The following STX6 variants were observed in gnomAD, a reference collection of about 807,000 sequenced individuals.
STX6 encodes the protein syntaxin 6, also known as syntaxin-6.
A neutral mutation model predicts 38.0 loss-of-function variants in STX6; 23 were observed. That is an observed-to-expected ratio of 0.60 (90% CI 0.43 to 0.86). The LOEUF (loss-of-function observed/expected upper bound fraction) is 0.86, where lower values mean the gene tolerates loss of function less well. Ranked by LOEUF, STX6 falls within the 40% of genes least tolerant of loss-of-function variation. The pLI is 0.00. For missense variants in STX6, 274 were observed against 312.9 expected, an observed-to-expected ratio of 0.88 and a Z score of 0.94; for synonymous variants, 123 against 107.5, an observed-to-expected ratio of 1.14 and a Z score of -0.89.
intron 1 of STX6, among the ~76,000 whole-genome samples, chr1:181,017,253 C>T (rs1314540679): frequency 2.0e-5 from 3 of 151,046 alleles, no homozygotes; most frequent in African/African-American, 4.9e-5. Context: ...ATTAGCTGGG[C>T]GTGGTGGCGG....
chr1:181,019,741 G>A (rs772683720), intron 1 of STX6, among the ~76,000 whole-genome samples: 2 of 152,156 alleles, frequency 1.3e-5, no homozygotes, highest in African/African-American at 2.4e-5. Flanking sequence ...TGTCCAACAC[G>A]GAAGCCACAT....
chr1:181,016,639 G>A (rs903259612), intron 1 of STX6, among the ~76,000 whole-genome samples: 4 of 152,248 alleles, frequency 2.6e-5, no homozygotes, highest in Non-Finnish European at 4.4e-5. Context: ...AATAGAATGC[G>A]TGATGCCCTC....
rs534998442 is a variant in STX6, at chr1:181,012,273, T to C, written c.36-6810A>G. ...CTGACCCAGAGAAGCCTTTTTCAAA[T>C]CCTTGAAAGAGAAAGACGGCTATCT... On this transcript the variant is annotated intron_variant, in intron 1 of 7. Transcript: ENST00000258301. Among the ~76,000 whole-genome samples the C allele has an allele frequency of 4.6e-5, 7 of 152,310 alleles. No homozygotes were observed. In the East Asian group the frequency reaches 1.3e-3, roughly 29 times the overall value.
At chr1:180,986,131 C>A (rs1476247856) in intron 6 of STX6, among the ~76,000 whole-genome samples, 1 of 152,240 alleles carries the variant, frequency 6.6e-6, no homozygotes, top group Non-Finnish European at 1.5e-5. Flanking sequence ...AAAACAGGCA[C>A]ATCATCAGGC....
chr1:180,976,672 C>T, intron 7 of STX6, 26 bp from the exon 8 acceptor site: 1 of 1,606,826 alleles, frequency 6.2e-7, no homozygotes, highest in Non-Finnish European at 8.5e-7. Context: ...TGGGGATTAG[C>T]TCTCACAGGG....
chr1:180,989,809 C>A (rs992805741), intron 5 of STX6, among the ~76,000 whole-genome samples, 175 bp downstream of exon 5: 1 of 152,094 alleles, frequency 6.6e-6, no homozygotes, highest in Non-Finnish European at 1.5e-5. Context: ...GAAGCAGTCA[C>A]ACTGTGAAGA....
chr1:180,990,108 G>A lies in STX6; in HGVS notation c.365C>T (p.Ala122Val), dbSNP rs1395745929. ...QALAERKNRQ[A>V]LLGDSGSQNW... ...CTGGCTGCCACTGTCTCCCAGCAGTGCCTGTGTGAGAAGAACAACCAGAGG... is the reference window on the plus strand; with the variant it reads ...CTGGCTGCCACTGTCTCCCAGCAGTACCTGTGTGAGAAGAACAACCAGAGG... The change falls in exon 5 of 8, where the codon GCA (alanine) becomes GTA (valine). Residue 122 changes from alanine (A) to valine (V), a missense_variant and splice_region_variant. Coordinates refer to ENST00000258301, the MANE Select transcript of STX6 (RefSeq NM_005819.6). The A allele has an allele frequency of 6.2e-7, 1 of 1,614,094 alleles. No individual in the cohort carries two copies. Among genetic ancestry groups the A allele is most frequent in the East Asian group, 2.2e-5 (1 of 44,874 alleles).
At chr1:181,015,670 CTTTT>C (rs879761357) in intron 1 of STX6, among the ~76,000 whole-genome samples, 1 of 142,560 alleles carries the variant, frequency 7.0e-6, no homozygotes, top group East Asian at 2.0e-4. Context: ...CCACACAAAT[CTTTT>C]TTTTTTTTTT....
In STX6 at chr1:180,999,846, CTTCAT is replaced by C. The variant is rs1656027265; in HGVS notation, c.300+2755_300+2759del. On this transcript the variant is annotated intron_variant, in intron 3 of 7. Transcript: ENST00000258301. ...AATTTGTACAAATTCCTAATTTGAA[CTTCAT>C]TTCATCTCATTTTCCAAATCTGCTA... Among the ~76,000 whole-genome samples the C allele has an allele frequency of 3.3e-5, 5 of 152,190 alleles. No individual in the cohort carries two copies. In the South Asian group the frequency reaches 1.0e-3, roughly 32 times the overall value.
intron 6 of STX6, 175 bp downstream of exon 6, chr1:180,988,064 G>T (rs955392854): frequency 8.3e-6 from 4 of 481,268 alleles, no homozygotes; most frequent in South Asian, 5.4e-5. Context: ...TAAAATTTAC[G>T]AAGTAGAATT....
intron 1 of STX6, among the ~76,000 whole-genome samples, chr1:181,019,007 C>T (rs565562975): frequency 1.3e-5 from 2 of 152,320 alleles, no homozygotes; most frequent in South Asian, 4.1e-4. Flanking sequence ...AAGTTAACCC[C>T]TCTAACACTT....
At chr1:180,985,039 C>T (rs1044429176) in intron 6 of STX6, among the ~76,000 whole-genome samples, 3 of 152,064 alleles carry the variant, frequency 2.0e-5, no homozygotes, top group African/African-American at 7.2e-5. Context: ...GGGCAGTCCC[C>T]GTAATCAGAT....
chr1:180,978,529 C>G (rs1399985663), intron 7 of STX6, among the ~76,000 whole-genome samples: 1 of 152,178 alleles, frequency 6.6e-6, no homozygotes, highest in Non-Finnish European at 1.5e-5. Flanking sequence ...AGGAGCTTGA[C>G]CAGGTTCTCA....
intron 3 of STX6, among the ~76,000 whole-genome samples, chr1:181,000,410 T>C (rs1254324352): frequency 1.3e-5 from 2 of 152,162 alleles, no homozygotes; most frequent in Non-Finnish European, 2.9e-5. Context: ...GGCAACTTCT[T>C]CACAAGGCAG....
At chr1:181,003,954 A>C (rs1656153898) in intron 2 of STX6, among the ~76,000 whole-genome samples, 1 of 152,260 alleles carries the variant, frequency 6.6e-6, no homozygotes, top group East Asian at 1.9e-4. Context: ...ATCACTTCTT[A>C]AACATGAAGA....
intron 3 of STX6, among the ~76,000 whole-genome samples, chr1:180,995,569 T>C (rs1415488266): frequency 6.6e-6 from 1 of 152,200 alleles, no homozygotes. Flanking sequence ...TTTAAAAATA[T>C]ACTCAGCTGG....
chr1:180,986,412 C>T (rs1410850167), intron 6 of STX6, among the ~76,000 whole-genome samples: 1 of 152,174 alleles, frequency 6.6e-6, no homozygotes, highest in Non-Finnish European at 1.5e-5. Flanking sequence ...ATCCAGTAAG[C>T]ATTTTACCTC....
At position 180,973,726 on chromosome 1, in the gene STX6, G is replaced by A. The variant is rs998222417; in HGVS notation, c.*2844C>T. 1 of 152,574 alleles carries A rather than the reference G, an allele frequency of 6.6e-6. No homozygotes were observed. Among genetic ancestry groups the A allele is most frequent in the African/African-American group, 2.4e-5 (1 of 41,418 alleles). The allele number at this position is 152,574 out of a possible 1,614,324, so 9.5% of individuals were successfully genotyped here. On this transcript the variant is annotated 3_prime_UTR_variant, in exon 8 of 8. Coordinates refer to ENST00000258301, the MANE Select transcript of STX6 (RefSeq NM_005819.6). ...ATTGTGATTCTTCACAGTCCGCAGAGACAAGACCAAAAATGAGGACTAAAA... is the reference window on the plus strand; with the variant it reads ...ATTGTGATTCTTCACAGTCCGCAGAAACAAGACCAAAAATGAGGACTAAAA...
At chr1:181,000,297 C>T (rs1325211202) in intron 3 of STX6, among the ~76,000 whole-genome samples, 5 of 152,118 alleles carry the variant, frequency 3.3e-5, no homozygotes, top group African/African-American at 1.2e-4. Flanking sequence ...AAGAACTGCC[C>T]GAGACTGGGT....
Sources: allele counts gnomAD v4.1 joint callset (sites outside exome capture counted in the v4.1 genomes callset), GRCh38; gene constraint gnomAD v4.1.1; transcripts MANE v1.5; gene names NCBI Gene and HGNC (gene_info 2026-07-23, HGNC 2026-07-21).